RIMS1: variants seen among roughly 807,000 people sequenced by gnomAD.
RIMS1 encodes regulating synaptic membrane exocytosis 1.
RIMS1 carries 83 observed loss-of-function variants against 214.1 expected under a neutral mutation model. The observed-to-expected ratio is 0.39, with a 90% CI of 0.32 to 0.47. RIMS1 has a LOEUF of 0.47. Among genes scored for constraint, RIMS1 ranks in the 20% least tolerant of loss-of-function variants. The pLI, the probability that RIMS1 is intolerant of heterozygous loss-of-function variation, is 0.99. For missense variants in RIMS1, 2,050 were observed against 2,161.8 expected (o/e 0.95, Z 1.03); for synonymous variants, 793 against 786.8 (o/e 1.01, Z -0.13).
chr6:72,152,716 GTGAATA>G (rs1454795492), intron 4 of RIMS1, among the ~76,000 whole-genome samples: 2 of 83,656 alleles, frequency 2.4e-5, no homozygotes, highest in South Asian at 8.0e-4. Context: ...GTATATATAT[GTGAATA>G]TATATATATG....
At chr6:72,187,182 TGAAG>T (rs753688596) in intron 6 of RIMS1, among the ~76,000 whole-genome samples, 4 of 151,128 alleles carry the variant, frequency 2.6e-5, no homozygotes, top group Non-Finnish European at 5.9e-5. Context: ...AAGAGAGGAA[TGAAG>T]GAAGGAAGGA....
intron 1 of RIMS1, among the ~76,000 whole-genome samples, chr6:71,940,127 T>C (rs1402937618): frequency 6.6e-6 from 1 of 152,212 alleles, no homozygotes; most frequent in Non-Finnish European, 1.5e-5. Context: ...ATCATTCTTA[T>C]TAGGAATTAC....
intron 2 of RIMS1, among the ~76,000 whole-genome samples, chr6:72,089,717 C>T (rs948668941): frequency 4.0e-5 from 6 of 150,442 alleles, no homozygotes; most frequent in Non-Finnish European, 7.4e-5. Flanking sequence ...GACACATGCA[C>T]ACGTATGTTT....
chr6:72,146,198 A>G (rs2042729403), intron 4 of RIMS1, among the ~76,000 whole-genome samples: 1 of 152,204 alleles, frequency 6.6e-6, no homozygotes, highest in Admixed American at 6.5e-5. Context: ...GCTATCGGAA[A>G]CTGGCATTGT....
At position 72,047,685 on chromosome 6, in the gene RIMS1, C is replaced by G. The variant is rs76890275; in HGVS notation, c.246-49264C>G. Reference sequence around the variant, plus strand: ...GAGGACATACAAATAATCTAAATTCCCTGCTTTGATAAAATTTACACTAGG... The same window carrying G: ...GAGGACATACAAATAATCTAAATTCGCTGCTTTGATAAAATTTACACTAGG... On this transcript the variant is annotated intron_variant, in intron 2 of 33. Coordinates refer to ENST00000521978, the MANE Select transcript of RIMS1 (RefSeq NM_014989.7). Among the ~76,000 whole-genome samples the G allele has an allele frequency of 3.7e-3, 556 of 151,950 alleles. 4 individuals are homozygous for G. The highest frequency in any genetic ancestry group is 0.013 in the African/African-American group (525 of 41,456).
chr6:72,147,270 A>G (rs1350324491), intron 4 of RIMS1, among the ~76,000 whole-genome samples: 1 of 152,232 alleles, frequency 6.6e-6, no homozygotes, highest in Admixed American at 6.5e-5. Flanking sequence ...CTAAATAAAC[A>G]TCACATACAT....
chr6:72,279,351 C>T (rs190843954), intron 23 of RIMS1, among the ~76,000 whole-genome samples: 85 of 152,074 alleles, frequency 5.6e-4, no homozygotes, highest in Non-Finnish European at 8.1e-4. Flanking sequence ...CTGATTTTTA[C>T]TCTAGCTTTG....
intron 1 of RIMS1, among the ~76,000 whole-genome samples, chr6:71,926,303 GTGCCCAA>G (rs1417790676): frequency 6.6e-6 from 1 of 152,186 alleles, no homozygotes; most frequent in African/African-American, 2.4e-5. Context: ...AATTGGTGAA[GTGCCCAA>G]TTAATTCAGT....
chr6:72,019,177 T>C (rs1813766476), intron 2 of RIMS1, among the ~76,000 whole-genome samples: 1 of 152,228 alleles, frequency 6.6e-6, no homozygotes, highest in Non-Finnish European at 1.5e-5. Context: ...ATGAAAATAC[T>C]TATATGAATT....
intron 4 of RIMS1, among the ~76,000 whole-genome samples, chr6:72,131,466 G>A (rs772536367): frequency 2.0e-5 from 3 of 152,100 alleles, no homozygotes; most frequent in Admixed American, 6.6e-5. Flanking sequence ...TCACATGTCG[G>A]TATGTTCCGT....
intron 29 of RIMS1, among the ~76,000 whole-genome samples, chr6:72,389,693 A>T (rs917199385): frequency 2.6e-5 from 4 of 152,218 alleles, no homozygotes; most frequent in Non-Finnish European, 5.9e-5. Flanking sequence ...CAGAAACTAA[A>T]GCGAAAACCA....
At chr6:72,229,604 A>C (rs116104410) in intron 6 of RIMS1, among the ~76,000 whole-genome samples, 5 of 151,772 alleles carry the variant, frequency 3.3e-5, no homozygotes, top group Non-Finnish European at 7.4e-5. Flanking sequence ...TAGCTCCTCT[A>C]TTATGTATAA....
At chr6:71,963,072 C>T (rs1793422771) in intron 1 of RIMS1, among the ~76,000 whole-genome samples, 1 of 152,110 alleles carries the variant, frequency 6.6e-6, no homozygotes, top group Non-Finnish European at 1.5e-5. Flanking sequence ...GATTTGAATA[C>T]TTTCATCAAT....
intron 1 of RIMS1, among the ~76,000 whole-genome samples, chr6:71,888,426 A>AGG (rs1768512412): frequency 6.6e-6 from 1 of 152,064 alleles, no homozygotes; most frequent in South Asian, 2.1e-4. Context: ...ATAGCAAAAG[A>AGG]GGGGTGGGGA....
intron 4 of RIMS1, among the ~76,000 whole-genome samples, chr6:72,116,382 G>A (rs1470878380): frequency 1.3e-5 from 2 of 151,928 alleles, no homozygotes; most frequent in East Asian, 1.9e-4. Context: ...AAAACGAGAT[G>A]AAAGAGAACT....
At chr6:72,098,715 G>A (rs181312831) in intron 3 of RIMS1, among the ~76,000 whole-genome samples, 3 of 152,150 alleles carry the variant, frequency 2.0e-5, no homozygotes, top group African/African-American at 7.2e-5. Context: ...CCTTGTATGG[G>A]TGTTATGAAA....
rs544189294 is a variant in RIMS1 at position 71,942,159 on chromosome 6, C to T, written c.165-26824C>T. 1.2e-4 allele frequency among the ~76,000 whole-genome samples: 19 copies of T among 152,280 alleles called. No individual in the cohort carries two copies. The South Asian group carries it at 2.3e-3, about 18-fold the overall frequency. Reference sequence around the variant, plus strand: ...CAGATCTTCATGGAATTCCTTGTCACGGCCTTAAACATAGCATATGGCAAT... The same window carrying T: ...CAGATCTTCATGGAATTCCTTGTCATGGCCTTAAACATAGCATATGGCAAT... On this transcript the variant is annotated intron_variant, in intron 1 of 33. Coordinates refer to ENST00000521978, the MANE Select transcript of RIMS1 (RefSeq NM_014989.7).
chr6:72,376,730 G>C (rs1181814527), intron 29 of RIMS1, among the ~76,000 whole-genome samples: 2 of 148,330 alleles, frequency 1.3e-5, no homozygotes, highest in Non-Finnish European at 3.0e-5. Context: ...CTGGGTGACA[G>C]AGAGAGACTC....
intron 26 of RIMS1, among the ~76,000 whole-genome samples, chr6:72,295,262 A>T (rs2093946992): frequency 6.6e-6 from 1 of 151,822 alleles, no homozygotes; most frequent in Admixed American, 6.6e-5. Flanking sequence ...AAAGAGGTGG[A>T]TATAAAGCCT....
Sources: gnomAD v4.1 joint callset for allele counts (sites outside exome capture counted in the v4.1 genomes callset) on GRCh38, gnomAD v4.1.1 for gene constraint, MANE v1.5 for transcripts, NCBI Gene and HGNC (gene_info 2026-07-23, HGNC 2026-07-21) for gene names.